The following KDM2B variants were observed in gnomAD, a reference collection of about 807,000 sequenced individuals.
KDM2B encodes lysine demethylase 2B.
In KDM2B, 26 loss-of-function variants were observed where a neutral mutation model predicts 150.0. The observed-to-expected ratio is 0.17, with a 90% CI of 0.13 to 0.24. KDM2B has a LOEUF of 0.24. Among genes scored for constraint, KDM2B ranks in the 10% least tolerant of loss-of-function variants. The pLI is 1.00. For missense variants in KDM2B, 1,265 were observed against 1,816.9 expected, an observed-to-expected ratio of 0.70 and a Z score of 5.52; for synonymous variants, 734 against 729.5, an observed-to-expected ratio of 1.01 and a Z score of -0.10.
chr12:121,527,179 C>G (rs1342877150), intron 8 of KDM2B, among the ~76,000 whole-genome samples: 1 of 150,454 alleles, frequency 6.6e-6, no homozygotes, highest in Non-Finnish European at 1.5e-5. Flanking sequence ...TCCCGAGCAG[C>G]TGGTACTACA....
chr12:121,415,840 C>CT, the KDM2B span, among the ~76,000 whole-genome samples: 15,540 of 107,938 alleles, frequency 0.14, 1,460 homozygotes, highest in African/African-American at 0.25. Context: ...TTTGTCCAGT[C>CT]TTTTTTTTTT....
intron 17 of KDM2B, 62 bp from the exon 18 acceptor site, chr12:121,443,092 G>A (rs1256996818): frequency 4.0e-5 from 60 of 1,503,328 alleles, no homozygotes; most frequent in Non-Finnish European, 5.5e-5. Flanking sequence ...TGGTCTCCTC[G>A]ACACCCCACC....
At chr12:121,487,860 C>T (rs1319975085) in intron 12 of KDM2B, among the ~76,000 whole-genome samples, 1 of 151,004 alleles carries the variant, frequency 6.6e-6, no homozygotes, top group Non-Finnish European at 1.5e-5. Context: ...CGGCTCACTG[C>T]AAGCTCCGCC....
intron 4 of KDM2B, among the ~76,000 whole-genome samples, chr12:121,559,409 C>G (rs1458263645): frequency 6.6e-6 from 1 of 152,132 alleles, no homozygotes; most frequent in Non-Finnish European, 1.5e-5. Context: ...CTGGGCTTCA[C>G]GGACCTCCCC....
intron 11 of KDM2B, among the ~76,000 whole-genome samples, chr12:121,507,328 C>T (rs1885176501): frequency 6.6e-6 from 1 of 152,096 alleles, no homozygotes; most frequent in Non-Finnish European, 1.5e-5. Context: ...CATGTCACTG[C>T]ACTTCAGCCT....
Position 121,442,516 on chromosome 12 carries a change from C to T in KDM2B, c.2925G>A (p.Ser975=). The change falls in exon 19 of 23, where the codon TCG becomes TCA. Residue 975 remains serine (S), a synonymous_variant. Coordinates refer to ENST00000377071, the MANE Select transcript of KDM2B (RefSeq NM_032590.5). The surrounding 1 kb of genome is among the most constrained non-coding windows in gnomAD (Gnocchi z 7.7). ...GCTCCTCGCCCTCGCTCTCAGGCTC[C>T]GACTTGATGGGCTGCTGGTTCTCGT... ...LANENQQPIK[S]EPESEGEEPK... The T allele has an allele frequency of 3.8e-6, 6 of 1,599,572 alleles. No homozygotes were observed. The highest frequency in any genetic ancestry group is 1.1e-5 in the South Asian group (1 of 91,068).
At chr12:121,510,162 T>C (rs1885454032) in intron 10 of KDM2B, 123 bp from the exon 11 acceptor site, 10 of 831,694 alleles carry the variant, frequency 1.2e-5, no homozygotes, top group Non-Finnish European at 1.9e-5. Flanking sequence ...ACAATCCTAA[T>C]GGTCAGTGCC....
At chr12:121,449,699 C>T (rs1400536017) in intron 13 of KDM2B, among the ~76,000 whole-genome samples, 1 of 152,214 alleles carries the variant, frequency 6.6e-6, no homozygotes, top group Non-Finnish European at 1.5e-5. Context: ...TTGCTATAGA[C>T]AAGCTCTTTT....
At chr12:121,463,563 G>A (rs368384206) in intron 12 of KDM2B, among the ~76,000 whole-genome samples, 3 of 152,142 alleles carry the variant, frequency 2.0e-5, no homozygotes, top group South Asian at 4.1e-4. Flanking sequence ...TCAACAAGCT[G>A]TAGCCATTTT....
At chr12:121,556,312 C>T (rs1278627466) in intron 4 of KDM2B, among the ~76,000 whole-genome samples, 1 of 152,126 alleles carries the variant, frequency 6.6e-6, no homozygotes, top group Non-Finnish European at 1.5e-5. Context: ...GCCTCAAACT[C>T]CTGGGCTCAA....
At chr12:121,550,345 A>G (rs1555311615) in intron 4 of KDM2B, among the ~76,000 whole-genome samples, 2 of 151,902 alleles carry the variant, frequency 1.3e-5, no homozygotes, top group African/African-American at 4.8e-5. Flanking sequence ...AAGGAAATAA[A>G]CATATAAACA....
At chr12:121,444,566 G>C in intron 14 of KDM2B, 30 bp from the exon 15 acceptor site, 1 of 1,598,000 alleles carries the variant, frequency 6.3e-7, no homozygotes, top group Non-Finnish European at 8.6e-7. Flanking sequence ...TCAGAAGAGG[G>C]ACGGGCGGAG....
At chr12:121,511,778 A>C (rs1329293978) in intron 10 of KDM2B, among the ~76,000 whole-genome samples, 3 of 152,246 alleles carry the variant, frequency 2.0e-5, no homozygotes. Context: ...AAAAAATATA[A>C]GGCAAAGGAA....
chr12:121,482,652 C>A (rs1882288127), intron 12 of KDM2B, among the ~76,000 whole-genome samples: 1 of 152,126 alleles, frequency 6.6e-6, no homozygotes, highest in African/African-American at 2.4e-5. Context: ...GGGACTGGGA[C>A]ACAGGAGTTA....
In KDM2B at chr12:121,532,939, T is replaced by C. The variant is rs370596141; in HGVS notation, c.798A>G (p.Pro266=). 47 of 1,614,018 alleles carry C rather than the reference T, an allele frequency of 2.9e-5. No individual in the cohort carries two copies. Among genetic ancestry groups the C allele is most frequent in the Non-Finnish European group, 1.3e-5 (15 of 1,180,040 alleles). The change falls in exon 8 of 23, where the codon CCA becomes CCG. Residue 266 remains proline, a synonymous_variant. Coordinates refer to ENST00000377071, the MANE Select transcript of KDM2B (RefSeq NM_032590.5). ...CGTACAGCGCCAAATTGTGCAGCGT[T>C]GGAGGAATCAGCCAAAAAATCTTGG... The part of the protein sequence containing the change: ...RGGKIFWLIP[P]TLHNLALYEE...
chr12:121,523,247 G>T (rs1303043049), intron 8 of KDM2B, among the ~76,000 whole-genome samples: 1 of 152,250 alleles, frequency 6.6e-6, no homozygotes, highest in Non-Finnish European at 1.5e-5. Flanking sequence ...AAGTCCCGGG[G>T]GAAAGGCTGG....
chr12:121,531,144 C>T (rs1168277520), intron 8 of KDM2B, among the ~76,000 whole-genome samples: 3 of 152,058 alleles, frequency 2.0e-5, no homozygotes, highest in Non-Finnish European at 4.4e-5. Flanking sequence ...CCAGGGTGTC[C>T]CCTATAAACG....
intron 12 of KDM2B, among the ~76,000 whole-genome samples, chr12:121,457,615 G>A (rs1555293036): frequency 6.6e-6 from 1 of 151,924 alleles, no homozygotes; most frequent in African/African-American, 2.4e-5. Flanking sequence ...AGCAAAGGAA[G>A]TGACGGCATC....
chr12:121,574,866 C>A (rs1891397473), intron 3 of KDM2B, among the ~76,000 whole-genome samples: 1 of 152,202 alleles, frequency 6.6e-6, no homozygotes, highest in Non-Finnish European at 1.5e-5. Flanking sequence ...CCCATTTTTC[C>A]AGGGAAGCTG....
Sources: gnomAD v4.1 joint callset for allele counts (sites outside exome capture counted in the v4.1 genomes callset) on GRCh38, gnomAD v4.1.1 for gene constraint, Gnocchi (gnomAD v3.1) non-coding constraint, MANE v1.5 for transcripts, NCBI Gene and HGNC (gene_info 2026-07-23, HGNC 2026-07-21) for gene names.